The following ADCY8 variants were observed in gnomAD, a reference collection of about 807,000 sequenced individuals.
ADCY8 encodes the protein adenylate cyclase type 8.
Under a neutral mutation model 119.7 loss-of-function variants are expected in ADCY8, and 51 were observed. The ratio of observed to expected loss-of-function variants is 0.43; its 90% CI spans 0.34 to 0.54. The LOEUF (loss-of-function observed/expected upper bound fraction) is 0.54. Ranked by LOEUF, ADCY8 falls within the 20% of genes least tolerant of loss-of-function variation. The pLI, the probability that ADCY8 is intolerant of heterozygous loss-of-function variation, is 0.03. For synonymous variants in ADCY8, 665 were observed against 651.0 expected, an observed-to-expected ratio of 1.02 and a Z score of -0.33; for missense variants, 1,383 against 1,598.8, an observed-to-expected ratio of 0.87 and a Z score of 2.30.
intron 16 of ADCY8, among the ~76,000 whole-genome samples, chr8:130,784,403 G>C (rs1815186354): frequency 6.6e-6 from 1 of 152,152 alleles, no homozygotes; most frequent in South Asian, 2.1e-4. Flanking sequence ...CTATAAAATG[G>C]GGATAAGCAT....
At chr8:130,891,976 T>C (rs957350002) in intron 7 of ADCY8, 3 of 152,172 alleles carry the variant, frequency 2.0e-5, no homozygotes, top group African/African-American at 7.2e-5. Flanking sequence ...TTACTTTTCC[T>C]TTTATTTTTT....
At chr8:130,977,359 A>T (rs1188416011) in intron 2 of ADCY8, among the ~76,000 whole-genome samples, 1 of 152,208 alleles carries the variant, frequency 6.6e-6, no homozygotes, top group East Asian at 1.9e-4. Flanking sequence ...TGTAATACTC[A>T]TTCATTCAGT....
At chr8:130,926,878 G>A (rs994319984) in intron 5 of ADCY8, among the ~76,000 whole-genome samples, 34 of 150,902 alleles carry the variant, frequency 2.3e-4, no homozygotes, top group African/African-American at 6.4e-4. Flanking sequence ...TAATGTCCAC[G>A]TTCATCTATA....
chr8:130,858,411 T>G (rs1267344983), intron 9 of ADCY8, among the ~76,000 whole-genome samples: 1 of 152,222 alleles, frequency 6.6e-6, no homozygotes, highest in Non-Finnish European at 1.5e-5. Flanking sequence ...TGAGGTGTTT[T>G]GTAGACTGTC....
intron 13 of ADCY8, among the ~76,000 whole-genome samples, chr8:130,819,862 G>C (rs1816453944): frequency 6.6e-6 from 1 of 152,214 alleles, no homozygotes; most frequent in African/African-American, 2.4e-5. Flanking sequence ...GGGAAAACAA[G>C]TCAAAGCATA....
chr8:130,789,323 C>T (rs1815353345), intron 15 of ADCY8, among the ~76,000 whole-genome samples: 1 of 152,166 alleles, frequency 6.6e-6, no homozygotes, highest in Admixed American at 6.5e-5. Flanking sequence ...ATCCCTGTGC[C>T]TGGCCTCTCC....
At chr8:130,804,773 G>A (rs1216103695) in intron 14 of ADCY8, among the ~76,000 whole-genome samples, 1 of 152,142 alleles carries the variant, frequency 6.6e-6, no homozygotes, top group Non-Finnish European at 1.5e-5. Context: ...TTGAGACAGA[G>A]TCTCACTCTA....
intron 1 of ADCY8, among the ~76,000 whole-genome samples, chr8:131,023,857 T>C (rs1046796227): frequency 4.6e-5 from 7 of 152,188 alleles, no homozygotes; most frequent in Admixed American, 2.0e-4. Context: ...TTTTGTAGGA[T>C]GTTGAAGAAA....
chr8:130,987,629 A>G (rs114944054), intron 2 of ADCY8, among the ~76,000 whole-genome samples: 525 of 152,326 alleles, frequency 3.4e-3, no homozygotes, highest in African/African-American at 0.012. Flanking sequence ...TCATTATCCA[A>G]GGAAAAGGTA....
intron 14 of ADCY8, among the ~76,000 whole-genome samples, chr8:130,809,476 T>G (rs1912273): frequency 6.6e-6 from 1 of 152,162 alleles, no homozygotes; most frequent in South Asian, 2.1e-4. Flanking sequence ...GTGCTTGTAG[T>G]CCCCCCAGTC....
At chr8:131,007,461 T>C (rs1823157308) in intron 1 of ADCY8, among the ~76,000 whole-genome samples, 1 of 152,134 alleles carries the variant, frequency 6.6e-6, no homozygotes, top group South Asian at 2.1e-4. Flanking sequence ...GTGGAGGCCA[T>C]AGAGGCTGCC....
intron 11 of ADCY8, among the ~76,000 whole-genome samples, chr8:130,846,705 C>T (rs1817316013): frequency 7.1e-6 from 1 of 140,050 alleles, no homozygotes; most frequent in Non-Finnish European, 1.5e-5. Flanking sequence ...CCCTTACTAC[C>T]TTCCGTCCTT....
chr8:130,912,721 T>C (rs1049534075), intron 5 of ADCY8, among the ~76,000 whole-genome samples: 1 of 152,170 alleles, frequency 6.6e-6, no homozygotes, highest in African/African-American at 2.4e-5. Context: ...TTAGAAGAAA[T>C]GCTTGTAACT....
rs141533129 is a variant in ADCY8, at chr8:130,916,986, A to G, written c.1482-7120T>C. Among the ~76,000 whole-genome samples the G allele has an allele frequency of 4.2e-3, 646 of 152,284 alleles. 3 individuals are homozygous for G. Among genetic ancestry groups the G allele is most frequent in the African/African-American group, 0.015 (616 of 41,560 alleles). On this transcript the variant is annotated intron_variant, in intron 5 of 17. Transcript: ENST00000286355. Reference sequence around the variant, plus strand: ...CCCCGACCGAGCTGGTCTTGGCACCATGCTTACCCTGACATGAAAGTTGTG... The same window carrying G: ...CCCCGACCGAGCTGGTCTTGGCACCGTGCTTACCCTGACATGAAAGTTGTG...
rs896630317 is a variant in ADCY8, at chr8:131,026,041, C to T, written c.960+13333G>A. 2.4e-4 allele frequency among the ~76,000 whole-genome samples: 36 copies of T among 152,296 alleles called. 1 individual carries two copies. Among genetic ancestry groups the T allele is most frequent in the Non-Finnish European group, 2.2e-4 (15 of 68,032 alleles). ...CACACTGTGGTACTCCATAAATATT[C>T]GCCATATGAGGCTAAATGAAAGCAT... On this transcript the variant is annotated intron_variant, in intron 1 of 17. Coordinates refer to ENST00000286355, the MANE Select transcript of ADCY8 (RefSeq NM_001115.3).
intron 15 of ADCY8, among the ~76,000 whole-genome samples, chr8:130,794,173 C>T (rs893624793): frequency 6.6e-6 from 1 of 152,136 alleles, no homozygotes; most frequent in East Asian, 1.9e-4. Flanking sequence ...GGGAGCAGGG[C>T]CCTGCTCACC....
rs533396550 is a variant in ADCY8 at position 130,916,012 on chromosome 8, T to A, written c.1482-6146A>T. The stretch of plus-strand genomic sequence containing the variant: ...AACTACGTTCATTGCCCAGGGCGTT[T>A]TGTGCAGCTATGGAATCATCTTCAT... On this transcript the variant is annotated intron_variant, in intron 5 of 17. Transcript: ENST00000286355. Among the ~76,000 whole-genome samples the A allele has an allele frequency of 1.5e-3, 226 of 152,304 alleles. 1 individual carries two copies. Among genetic ancestry groups the A allele is most frequent in the South Asian group, 3.5e-3 (17 of 4,824 alleles).
At chr8:130,972,925 C>A (rs548089929) in intron 2 of ADCY8, among the ~76,000 whole-genome samples, 1 of 152,042 alleles carries the variant, frequency 6.6e-6, no homozygotes, top group South Asian at 2.1e-4. Context: ...GATAATTAGC[C>A]TCTCATGGAG....
chr8:130,865,294 A>C (rs1818077568), intron 9 of ADCY8, among the ~76,000 whole-genome samples: 1 of 151,900 alleles, frequency 6.6e-6, no homozygotes, highest in Admixed American at 6.6e-5. Flanking sequence ...TGCTGCGTTT[A>C]TGTGCTGTTT....
Sources: allele counts gnomAD v4.1 joint callset (sites outside exome capture counted in the v4.1 genomes callset), GRCh38; gene constraint gnomAD v4.1.1; transcripts MANE v1.5; gene names NCBI Gene and HGNC (gene_info 2026-07-23, HGNC 2026-07-21).